Variants in CATSPERD observed in about 807,000 individuals in gnomAD.
CATSPERD encodes catsper channel auxiliary subunit delta.
Under a neutral mutation model 98.1 loss-of-function variants are expected in CATSPERD, and 86 were observed. The ratio of observed to expected loss-of-function variants is 0.88; its 90% confidence interval spans 0.74 to 1.05. The LOEUF (loss-of-function observed/expected upper bound fraction) is 1.05, where lower values mean the gene tolerates loss of function less well. Among genes scored for constraint, CATSPERD ranks in the 50% least tolerant of loss-of-function variants. The probability of loss-of-function intolerance (pLI) is 0.00; values close to 1 mark genes in which losing one functional copy is unlikely to be tolerated. For synonymous variants in CATSPERD, 394 were observed against 390.2 expected (o/e 1.01, Z -0.12); for missense variants, 995 against 1,005.7 (o/e 0.99, Z 0.14).
intron 5 of CATSPERD, among the ~76,000 whole-genome samples, chr19:5,736,074 G>T (rs1334811227): frequency 1.3e-5 from 2 of 151,940 alleles, no homozygotes; most frequent in Admixed American, 1.3e-4. Context: ...ACTGTGCCCG[G>T]CCTAATTTTG....
At chr19:5,762,060 T>TATATATATATATATATA (rs1568367069) in intron 15 of CATSPERD, among the ~76,000 whole-genome samples, 1 of 12,090 alleles carries the variant, frequency 8.3e-5, no homozygotes, top group Non-Finnish European at 1.7e-4. Flanking sequence ...ATATATATAT[T>TATATATATATATATATA]TTTTTTTTTT....
At chr19:5,733,334 T>G (rs1230945975) in intron 4 of CATSPERD, among the ~76,000 whole-genome samples, 1 of 130,052 alleles carries the variant, frequency 7.7e-6, no homozygotes, top group African/African-American at 3.3e-5. Context: ...TTTCTTTCTT[T>G]CCTTTCTTTC....
At chr19:5,765,405 TATTCATTCATTCATTCATTC>T (rs71172767) in intron 16 of CATSPERD, among the ~76,000 whole-genome samples, 2,207 of 141,052 alleles carry the variant, frequency 0.016, 65 homozygotes, top group African/African-American at 0.063. Flanking sequence ...GCCATTGATT[TATTCATTCATTCATTCATTC>T]ATTCATTCAT....
At position 5,724,701 on chromosome 19, in the gene CATSPERD, C is replaced by A. The variant is rs369278119; in HGVS notation, c.72-107C>A. On this transcript the variant is annotated intron_variant, in intron 1 of 21. Transcript: ENST00000381624. Reference sequence around the variant, plus strand: ...GCGACAGAGTGAGACTCCGTCCCCCCCAAAAAAGAACAGATACTTTAGGGT... The same window carrying A: ...GCGACAGAGTGAGACTCCGTCCCCCACAAAAAAGAACAGATACTTTAGGGT... 2.4e-5 allele frequency: 28 copies of A among 1,167,616 alleles called. No individual in the cohort carries two copies. The African/African-American group carries it at 2.9e-4, about 12-fold the overall frequency. The allele number at this position is 1,167,616 out of a possible 1,614,324, so 72.3% of individuals were successfully genotyped here. A position where few individuals can be genotyped will look rare whatever the true frequency, so the allele number is the denominator to read the frequency against.
rs376170882 is a variant in CATSPERD, at chr19:5,770,982, C to G, written c.1673C>G (p.Ser558Cys). The change falls in exon 19 of 22, where the codon TCC becomes TGC. Residue 558 changes from serine to cysteine, a missense_variant. By Grantham distance (112) the Ser-to-Cys change is moderately radical (BLOSUM62 -1). Transcript: ENST00000381624. ...CCCGGCTTCCAGGGGCAGCAGTCCTCCGAGGACCTGCACGTGTTTTACTCC... is the reference window on the plus strand; with the variant it reads ...CCCGGCTTCCAGGGGCAGCAGTCCTGCGAGGACCTGCACGTGTTTTACTCC... ...YDPGFQGQQS[S>C]EDLHVFYSYQ... 1 of 1,613,838 alleles carries G rather than the reference C, an allele frequency of 6.2e-7. No individual in the cohort carries two copies. Among genetic ancestry groups the G allele is most frequent in the Non-Finnish European group, 8.5e-7 (1 of 1,179,924 alleles).
chr19:5,776,055 G>A lies in CATSPERD; in HGVS notation c.1942-106G>A, dbSNP rs973496685. On this transcript the variant is annotated intron_variant, in intron 20 of 21. Transcript: ENST00000381624. ...TGGCCCCAGAGTCCCACCCATGCGTGCCTAATGAGGACTGGGGTGGGTGCA... is the reference window on the plus strand; with the variant it reads ...TGGCCCCAGAGTCCCACCCATGCGTACCTAATGAGGACTGGGGTGGGTGCA... The A allele has an allele frequency of 1.4e-5, 17 of 1,229,148 alleles. No homozygotes were observed. In the Admixed American group the frequency reaches 3.7e-4, roughly 27 times the overall value. 76.1% of individuals were successfully genotyped at this position (1,229,148 alleles called of 1,614,324 possible). A position where few individuals can be genotyped will look rare whatever the true frequency, so the allele number is the denominator to read the frequency against.
intron 15 of CATSPERD, among the ~76,000 whole-genome samples, chr19:5,762,284 G>A (rs887829321): frequency 4.7e-5 from 7 of 150,400 alleles, no homozygotes; most frequent in East Asian, 2.0e-4. Flanking sequence ...GAATGGTCTC[G>A]AACTCCTTAC....
chr19:5,746,174 T>C, intron 9 of CATSPERD, 111 bp downstream of exon 9: 1 of 1,156,110 alleles, frequency 8.6e-7, no homozygotes, highest in Non-Finnish European at 1.2e-6. Context: ...CACTCGGTTA[T>C]TTTTTCTCTT....
At chr19:5,741,756 G>A (rs1383387215) in intron 7 of CATSPERD, among the ~76,000 whole-genome samples, 1 of 129,108 alleles carries the variant, frequency 7.7e-6, no homozygotes, top group East Asian at 2.6e-4. Flanking sequence ...GCCTCAGCCT[G>A]TAATCCCAGC....
intron 20 of CATSPERD, among the ~76,000 whole-genome samples, chr19:5,774,106 T>TA (rs1316012622): frequency 1.3e-5 from 2 of 151,626 alleles, no homozygotes; most frequent in African/African-American, 2.4e-5. Flanking sequence ...TAGCTGGACT[T>TA]ACAAGCACCT....
chr19:5,758,273 C>T (rs537302969), intron 14 of CATSPERD, among the ~76,000 whole-genome samples: 1 of 152,140 alleles, frequency 6.6e-6, no homozygotes, highest in East Asian at 1.9e-4. Flanking sequence ...CAGCAAACTC[C>T]TTTAACCAGG....
intron 12 of CATSPERD, among the ~76,000 whole-genome samples, chr19:5,752,195 C>T (rs1052056691): frequency 6.6e-6 from 1 of 151,934 alleles, no homozygotes; most frequent in African/African-American, 2.4e-5. Context: ...TGTAATCCCA[C>T]CTACTTCGAG....
chr19:5,769,376 T>C (rs2145854956), intron 18 of CATSPERD, among the ~76,000 whole-genome samples: 1 of 151,238 alleles, frequency 6.6e-6, no homozygotes, highest in East Asian at 2.0e-4. Flanking sequence ...TCATGGAAGC[T>C]GAGAATGAAA....
chr19:5,776,427 C>T, intron 21 of CATSPERD, 112 bp downstream of exon 21: 2 of 1,173,262 alleles, frequency 1.7e-6, no homozygotes, highest in East Asian at 4.9e-5. Flanking sequence ...CCCCAACAGC[C>T]CAGGCCGTCC....
At chr19:5,745,839 C>A in intron 8 of CATSPERD, 74 bp from the exon 9 acceptor site, 1 of 1,497,390 alleles carries the variant, frequency 6.7e-7, no homozygotes, top group East Asian at 2.3e-5. Context: ...CCAGACTCCT[C>A]TTCCCTCATT....
chr19:5,740,866 CTTGAGTCCAGTAG>C (rs2055949084), intron 7 of CATSPERD, among the ~76,000 whole-genome samples: 1 of 151,448 alleles, frequency 6.6e-6, no homozygotes, highest in Non-Finnish European at 1.5e-5. Context: ...AGGTGGATCG[CTTGAGTCCAGTAG>C]TTAAATACCA....
Position 5,727,287 on chromosome 19 carries a change from C to T in CATSPERD, c.146C>T (p.Pro49Leu), listed in dbSNP as rs2055623812. ...CTCTAGGACCGCCTGTATTTTCATC[C>T]TACAACAACACGCTTGATTAAACAT... is the stretch of plus-strand genomic sequence containing the variant. ...DVQGDRLYFHPTTTRLIKHPC... is the reference protein window; with the variant it reads ...DVQGDRLYFHLTTTRLIKHPC... Residue 49 changes from proline to leucine, a missense_variant, in exon 3 of 22, where the codon CCT (proline) becomes CTT (leucine). By Grantham distance (98) the Pro-to-Leu change is moderately conservative. Transcript: ENST00000381624. The T allele has an allele frequency of 1.2e-6, 2 of 1,613,470 alleles. No individual in the cohort carries two copies. The highest frequency in any genetic ancestry group is 1.7e-6 in the Non-Finnish European group (2 of 1,179,566).
chr19:5,753,303 G>A (rs546786064), intron 12 of CATSPERD, among the ~76,000 whole-genome samples: 18 of 152,174 alleles, frequency 1.2e-4, no homozygotes, highest in African/African-American at 4.3e-4. Flanking sequence ...GCTCACGCCT[G>A]TAATCCCAGC....
chr19:5,739,333 G>C lies in CATSPERD; in HGVS notation c.467G>C (p.Ser156Thr). 6.7e-7 allele frequency: 1 copy of C among 1,490,038 alleles called. No individual in the cohort carries two copies. Among genetic ancestry groups the C allele is most frequent in the Admixed American group, 1.8e-5 (1 of 55,748 alleles). 92.3% of individuals were successfully genotyped at this position (1,490,038 alleles called of 1,614,324 possible). The change falls in exon 7 of 22, where the codon AGT (serine) becomes ACT (threonine). Residue 156 changes from serine (S) to threonine (T), a missense_variant. By Grantham distance (58) the Ser-to-Thr change is moderately conservative. Around this residue, in one of 3 missense-constraint regions of CATSPERD, gnomAD observed 228 missense variants for 209.6 expected, o/e 1.09. Coordinates refer to ENST00000381624, the MANE Select transcript of CATSPERD (RefSeq NM_152784.4). ...TCTTTTTTTTTTTTATAGCATGTCA[G>C]TAATTTGGTTTTTGCATATTTCCGT... is the stretch of plus-strand genomic sequence containing the variant. ...YTGSLFCVHV[S>T]NLVFAYFRGD...
Sources: allele counts gnomAD v4.1 joint callset (sites outside exome capture counted in the v4.1 genomes callset), GRCh38; gene constraint gnomAD v4.1.1; regional missense constraint gnomAD v4.1.1; transcripts MANE v1.5; gene names NCBI Gene and HGNC (gene_info 2026-07-23, HGNC 2026-07-21).